SLC22A17: variants seen among roughly 807,000 people sequenced by gnomAD.
The protein encoded by SLC22A17 is 24p3 receptor.
SLC22A17 carries 38 observed loss-of-function variants against 53.6 expected under a neutral mutation model. The observed-to-expected ratio is 0.71, with a 90% CI of 0.55 to 0.93. The LOEUF (loss-of-function observed/expected upper bound fraction) is 0.93, where lower values mean the gene tolerates loss of function less well. Among genes scored for constraint, SLC22A17 ranks in the 40% least tolerant of loss-of-function variants. The pLI is 0.00. For synonymous variants in SLC22A17, 379 were observed against 353.0 expected (o/e 1.07, Z -0.82); for missense variants, 704 against 791.0 (o/e 0.89, Z 1.32).
chr14:23,349,851 T>G (rs1889512075), intron 3 of SLC22A17: 1 of 190,332 alleles, frequency 5.3e-6, no homozygotes, highest in South Asian at 1.2e-4. Flanking sequence ...ATATACGGAG[T>G]TGGAACTATT....
At position 23,346,588 on chromosome 14, in the gene SLC22A17, C is replaced by T. The variant is rs1889192547; in HGVS notation, c.*60G>A. The T allele has an allele frequency of 2.8e-6, 4 of 1,431,084 alleles. No individual in the cohort carries two copies. The African/African-American group carries it at 4.3e-5, about 15-fold the overall frequency. The allele number at this position is 1,431,084 out of a possible 1,614,324, so 88.6% of individuals were successfully genotyped here. A position where few individuals can be genotyped will look rare whatever the true frequency, so the allele number is the denominator to read the frequency against. ...GCCCTGCCTTCCCTACTCAGTCTTC[C>T]CGATCTTCTTGCCACCTTTCTGTGT... On this transcript the variant is annotated 3_prime_UTR_variant, in exon 10 of 10. Transcript: ENST00000397267.
In SLC22A17 at chr14:23,348,688, G is replaced by A. The variant is rs1251416644; in HGVS notation, c.860-17C>T. On this transcript the variant is annotated splice_polypyrimidine_tract_variant and intron_variant, in intron 4 of 9. Coordinates refer to ENST00000397267, the Ensembl canonical transcript of SLC22A17. The surrounding 1 kb of genome is among the most constrained non-coding windows in gnomAD (Gnocchi z 4.5). ...GCTCCAGGCCTGGAGATACAGCAGGGGTGGAGAGAGGAGAGGGAGGCCAGG... is the reference window on the plus strand; with the variant it reads ...GCTCCAGGCCTGGAGATACAGCAGGAGTGGAGAGAGGAGAGGGAGGCCAGG... 2.5e-6 allele frequency: 4 copies of A among 1,593,620 alleles called. No individual in the cohort carries two copies. In the South Asian group the frequency reaches 3.4e-5, roughly 13 times the overall value.
rs1042503622 is a variant in SLC22A17, at chr14:23,352,704, T to G, written c.38A>C (p.Asn13Thr). ...GTCGATTTTGCCGCCGCCCCCGCCA[T>G]TGGGCTCGGGGGTCCCGGTGGCCAC... The change falls in exon 1 of 10, where the codon AAT becomes ACT. Residue 13 changes from asparagine to threonine, a missense_variant. Physicochemically the swap from Asn to Thr is moderately conservative, Grantham distance 65. Coordinates refer to ENST00000397267, the Ensembl canonical transcript of SLC22A17. This position sits in a 1 kb window ranked among gnomAD's most constrained non-coding sequence, Gnocchi z 7.2. The G allele has an allele frequency of 9.8e-5, 39 of 398,774 alleles. No individual in the cohort carries two copies. The highest frequency in any genetic ancestry group is 1.7e-4 in the Non-Finnish European group (38 of 226,084). 24.7% of individuals were successfully genotyped at this position (398,774 alleles called of 1,614,324 possible).
Position 23,348,182 on chromosome 14 carries a change from C to T in SLC22A17, c.1150G>A (p.Glu384Lys). The stretch of plus-strand genomic sequence containing the variant: ...TTACCCTGCAGGGCCTCCTGGGCCT[C>T]CTCCCCCAGCATCTGCCCATGGGGC... The change falls in exon 6 of 10, where the codon GAG becomes AAG. Residue 384 changes from glutamate (E) to lysine (K), a missense_variant. By Grantham distance (56) the Glu-to-Lys change is moderately conservative (BLOSUM62 1). Around this residue, in one of 4 missense-constraint regions of SLC22A17, gnomAD observed 435 missense variants for 529.0 expected, o/e 0.82. Transcript: ENST00000397267. The surrounding 1 kb of genome is among the most constrained non-coding windows in gnomAD (Gnocchi z 4.5). 6.2e-7 allele frequency: 1 copy of T among 1,614,108 alleles called. No individual in the cohort carries two copies. Among genetic ancestry groups the T allele is most frequent in the Non-Finnish European group, 8.5e-7 (1 of 1,179,992 alleles).
Position 23,348,633 on chromosome 14 carries a change from C to G in SLC22A17, c.898G>C (p.Ala300Pro). 6.2e-7 allele frequency: 1 copy of G among 1,613,528 alleles called. No homozygotes were observed. The highest frequency in any genetic ancestry group is 8.5e-7 in the Non-Finnish European group (1 of 1,179,724). Residue 300 changes from alanine (A) to proline (P), a missense_variant, in exon 5 of 10, where the codon GCC (alanine) becomes CCC (proline). Ala to Pro is a conservative substitution (Grantham distance 27, BLOSUM62 -1). This residue lies in a region of SLC22A17 where 435 missense variants were observed against 529.0 expected (regional missense o/e 0.82). Transcript: ENST00000397267. This position sits in a 1 kb window ranked among gnomAD's most constrained non-coding sequence, Gnocchi z 4.5. ...ACCCCCACCAACTCCCCTGCCAGGG[C>G]CACCCGAAGCCTCTGGGTTGGGTCG...
At position 23,348,087 on chromosome 14, in the gene SLC22A17, ACAGCTACAGC is replaced by A; in HGVS notation, c.1171+64_1171+73del. The A allele has an allele frequency of 6.2e-7, 1 of 1,610,758 alleles. No homozygotes were observed. The highest frequency in any genetic ancestry group is 8.5e-7 in the Non-Finnish European group (1 of 1,177,690). On this transcript the variant is annotated intron_variant, in intron 6 of 9. Transcript: ENST00000397267. This position sits in a 1 kb window ranked among gnomAD's most constrained non-coding sequence, Gnocchi z 4.5. ...GGTGGGGACCCTGGGAGAAGGTGGC[ACAGCTACAGC>A]CATGCAGAGGGCACCATCATGTGTG...
At position 23,352,353 on chromosome 14, in the gene SLC22A17, C is replaced by T; in HGVS notation, c.195G>A (p.Leu65=). The change falls in exon 2 of 10, where the codon CTG becomes CTA. Residue 65 remains leucine (L), a synonymous_variant. Transcript: ENST00000397267. This position sits in a 1 kb window ranked among gnomAD's most constrained non-coding sequence, Gnocchi z 7.2. Reference sequence around the variant, plus strand: ...GCACGGCCAGCGACAGGCTGCTGCCCAGTCCGTCGCCGCCCGCGTCTCCCT... The same window carrying T: ...GCACGGCCAGCGACAGGCTGCTGCCTAGTCCGTCGCCGCCCGCGTCTCCCT... 2.1e-6 allele frequency: 2 copies of T among 974,566 alleles called. No homozygotes were observed. Among genetic ancestry groups the T allele is most frequent in the Non-Finnish European group, 2.8e-6 (2 of 716,366 alleles). 60.4% of individuals were successfully genotyped at this position (974,566 alleles called of 1,614,324 possible). A position where few individuals can be genotyped will look rare whatever the true frequency, so the allele number is the denominator to read the frequency against.
In SLC22A17 at chr14:23,352,371, G is replaced by A. The variant is rs1889696804; in HGVS notation, c.177C>T (p.Asp59=). 7 of 792,100 alleles carry A rather than the reference G, an allele frequency of 8.8e-6. No homozygotes were observed. The highest frequency in any genetic ancestry group is 1.3e-5 in the Non-Finnish European group (7 of 552,730). The allele number at this position is 792,100 out of a possible 1,614,324, so 49.1% of individuals were successfully genotyped here. Residue 59 remains aspartate (D), a synonymous_variant, in exon 2 of 10, where the codon GAC becomes GAT. Transcript: ENST00000397267. The surrounding 1 kb of genome is among the most constrained non-coding windows in gnomAD (Gnocchi z 7.2). ...TGCTGCCCAGTCCGTCGCCGCCCGC[G>A]TCTCCCTCCCCCTCCCGCTCGCGCT...
chr14:23,346,678 C>T (rs901194390), exon 10 of SLC22A17: 8 of 1,516,172 alleles, frequency 5.3e-6, no homozygotes, highest in Admixed American at 4.0e-5. Flanking sequence ...TGGCAAGCAG[C>T]GGGACGTGGT....
Position 23,347,516 on chromosome 14 carries a change from T to A in SLC22A17, c.1493A>T (p.Asp498Val). ...TGTGGGGAAGATAGGATGCTCACAATCCCACAGGCCCAGCAGGACCAGGGA... is the reference window on the plus strand; with the variant it reads ...TGTGGGGAAGATAGGATGCTCACAAACCCACAGGCCCAGCAGGACCAGGGA... Residue 498 changes from aspartate to valine, a missense_variant, in exon 8 of 10, where the codon GAT (aspartate) becomes GTT (valine). By Grantham distance (152) the Asp-to-Val change is radical. Transcript: ENST00000397267. This position sits in a 1 kb window ranked among gnomAD's most constrained non-coding sequence, Gnocchi z 5.1. 6.2e-7 allele frequency: 1 copy of A among 1,613,892 alleles called. No individual in the cohort carries two copies. Among genetic ancestry groups the A allele is most frequent in the Non-Finnish European group, 8.5e-7 (1 of 1,179,920 alleles).
At position 23,351,945 on chromosome 14, in the gene SLC22A17, C is replaced by T; in HGVS notation, c.600+3G>A. The T allele has an allele frequency of 6.2e-7, 1 of 1,612,310 alleles. No homozygotes were observed. Among genetic ancestry groups the T allele is most frequent in the Non-Finnish European group, 8.5e-7 (1 of 1,179,144 alleles). The stretch of plus-strand genomic sequence containing the variant: ...AGACCCGCGGCCCGCCTGGCCGCCT[C>T]ACCTGGCCGATGGCGTTGGTGGTGA... On this transcript the variant is annotated splice_donor_region_variant and intron_variant, in intron 2 of 9. Coordinates refer to ENST00000397267, the Ensembl canonical transcript of SLC22A17.
Position 23,348,763 on chromosome 14 carries a change from A to G in SLC22A17, c.860-92T>C. The G allele has an allele frequency of 7.3e-7, 1 of 1,367,626 alleles. No individual in the cohort carries two copies. The highest frequency in any genetic ancestry group is 2.6e-4 in the Middle Eastern group (1 of 3,818). The allele number at this position is 1,367,626 out of a possible 1,614,324, so 84.7% of individuals were successfully genotyped here. A position where few individuals can be genotyped will look rare whatever the true frequency, so the allele number is the denominator to read the frequency against. ...AAGAAAGAGGGAGGGAGGAGGACAG[A>G]GAGAGAGGTCAGACCCAGAGTGGAG... On this transcript the variant is annotated intron_variant, in intron 4 of 9. Coordinates refer to ENST00000397267, the Ensembl canonical transcript of SLC22A17. This position sits in a 1 kb window ranked among gnomAD's most constrained non-coding sequence, Gnocchi z 4.5.
Position 23,351,526 on chromosome 14 carries a change from A to T in SLC22A17, c.704+226T>A, listed in dbSNP as rs1032906813. 1.1e-4 allele frequency: 59 copies of T among 524,138 alleles called. No homozygotes were observed. The Middle Eastern group carries it at 1.5e-3, about 13-fold the overall frequency. 32.5% of individuals were successfully genotyped at this position (524,138 alleles called of 1,614,324 possible). On this transcript the variant is annotated intron_variant, in intron 3 of 9. Transcript: ENST00000397267. ...GCCACTAATTAGTGGGAATGGGACTAATAGTCCATAGAGGTCGAGTCATTC... is the reference window on the plus strand; with the variant it reads ...GCCACTAATTAGTGGGAATGGGACTTATAGTCCATAGAGGTCGAGTCATTC...
At chr14:23,351,694 G>A in intron 3 of SLC22A17, 58 bp downstream of exon 3, 1 of 1,506,970 alleles carries the variant, frequency 6.6e-7, no homozygotes, top group Non-Finnish European at 9.1e-7. Flanking sequence ...CGCTGCTTGG[G>A]TTAGCTTCCC....
Position 23,348,362 on chromosome 14 carries a change from G to T in SLC22A17, c.1026-56C>A, listed in dbSNP as rs1324774434. Reference sequence around the variant, plus strand: ...AGGCCTCCCTTCTCCTGATCTAGGGGTGGGAAATGTGCACCTCTGAGGGAC... The same window carrying T: ...AGGCCTCCCTTCTCCTGATCTAGGGTTGGGAAATGTGCACCTCTGAGGGAC... On this transcript the variant is annotated intron_variant, in intron 5 of 9. Coordinates refer to ENST00000397267, the Ensembl canonical transcript of SLC22A17. This position sits in a 1 kb window ranked among gnomAD's most constrained non-coding sequence, Gnocchi z 4.5. 23 of 1,603,466 alleles carry T rather than the reference G, an allele frequency of 1.4e-5. No homozygotes were observed. The highest frequency in any genetic ancestry group is 2.0e-5 in the Non-Finnish European group (23 of 1,173,058).
In SLC22A17 at chr14:23,350,538, G is replaced by C. The variant is rs975178826; in HGVS notation, c.705-1112C>G. On this transcript the variant is annotated intron_variant, in intron 3 of 9. Coordinates refer to ENST00000397267, the Ensembl canonical transcript of SLC22A17. ...ATGGTTACTGATTCTTGGAGGCTGG[G>C]CTATTGATCTTTGGGGATAAGACCA... Among the ~76,000 whole-genome samples the C allele has an allele frequency of 6.6e-5, 10 of 152,116 alleles. 1 individual carries two copies. Among genetic ancestry groups the C allele is most frequent in the Admixed American group, 2.0e-4 (3 of 15,278 alleles).
At position 23,348,389 on chromosome 14, in the gene SLC22A17, G is replaced by A; in HGVS notation, c.1026-83C>T. On this transcript the variant is annotated intron_variant, in intron 5 of 9. Transcript: ENST00000397267. The surrounding 1 kb of genome is among the most constrained non-coding windows in gnomAD (Gnocchi z 4.5). ...GGGAAATGTGCACCTCTGAGGGACT[G>A]GGGCTGGGGTAGGCCTGGACCAGGG... The A allele has an allele frequency of 6.3e-7, 1 of 1,588,268 alleles. No homozygotes were observed. Among genetic ancestry groups the A allele is most frequent in the South Asian group, 1.1e-5 (1 of 87,116 alleles).
At chr14:23,346,506 C>T (rs1018707491) in exon 10 of SLC22A17, 51 of 1,058,762 alleles carry the variant, frequency 4.8e-5, no homozygotes, top group Admixed American at 1.2e-4. Context: ...AGGGTGGGGA[C>T]GGCCCTCTGA....
At position 23,348,273 on chromosome 14, in the gene SLC22A17, C is replaced by T; in HGVS notation, c.1059G>A (p.Trp353Ter). 1 of 1,614,142 alleles carries T rather than the reference C, an allele frequency of 6.2e-7. No homozygotes were observed. Among genetic ancestry groups the T allele is most frequent in the Non-Finnish European group, 8.5e-7 (1 of 1,180,006 alleles). The change falls in exon 6 of 10, where the codon TGG becomes TGA. Residue 353 changes from tryptophan to a stop codon, truncating the protein, a stop_gained. Coordinates refer to ENST00000397267, the Ensembl canonical transcript of SLC22A17. LOFTEE classifies it high-confidence loss of function. This position sits in a 1 kb window ranked among gnomAD's most constrained non-coding sequence, Gnocchi z 4.5. ...CCTCAATCTGCCGCTTCACTATCAG[C>T]CACCGTGCGGACTCCAGGAACAAAC...
Sources: allele counts gnomAD v4.1 joint callset (sites outside exome capture counted in the v4.1 genomes callset), GRCh38; gene constraint gnomAD v4.1.1; regional missense constraint gnomAD v4.1.1; non-coding constraint Gnocchi (gnomAD v3.1); transcripts MANE v1.5; gene names NCBI Gene and HGNC (gene_info 2026-07-23, HGNC 2026-07-21).